Variants in NAV2 observed in about 807,000 individuals in gnomAD.
NAV2 encodes the protein helicase, APC down-regulated 1.
In NAV2, 54 loss-of-function variants were observed where a neutral mutation model predicts 223.2. That is an observed-to-expected ratio of 0.24 (90% CI 0.19 to 0.30). The LOEUF (loss-of-function observed/expected upper bound fraction) is 0.30. NAV2 is among the 10% of genes least tolerant of loss of function. The probability of loss-of-function intolerance (pLI) is 1.00; values close to 1 mark genes in which losing one functional copy is unlikely to be tolerated. For synonymous variants in NAV2, 1,279 were observed against 1,239.3 expected (o/e 1.03, Z -0.67); for missense variants, 2,806 against 3,147.5 (o/e 0.89, Z 2.60).
chr11:19,510,080 C>T (rs187486677), intron 1 of NAV2, among the ~76,000 whole-genome samples: 1 of 152,050 alleles, frequency 6.6e-6, no homozygotes, highest in Non-Finnish European at 1.5e-5. Context: ...TGGAGAAATA[C>T]CAGAAGAACC....
intron 1 of NAV2, among the ~76,000 whole-genome samples, chr11:19,607,184 G>A (rs2046500055): frequency 6.6e-6 from 1 of 152,228 alleles, no homozygotes. Flanking sequence ...ATCCTTTCCA[G>A]TTGGATCTTC....
At chr11:19,801,586 G>A (rs1198047230) in intron 1 of NAV2, among the ~76,000 whole-genome samples, 1 of 152,182 alleles carries the variant, frequency 6.6e-6, no homozygotes, top group Non-Finnish European at 1.5e-5. Flanking sequence ...CAGGCACATG[G>A]ACCTCCTAGC....
chr11:19,643,052 G>A (rs1480242297), intron 1 of NAV2, among the ~76,000 whole-genome samples: 2 of 152,158 alleles, frequency 1.3e-5, no homozygotes, highest in Non-Finnish European at 2.9e-5. Flanking sequence ...GCTGCCATCT[G>A]GTGTGGGGTT....
At chr11:19,915,554 C>T (rs2043733188) in intron 6 of NAV2, among the ~76,000 whole-genome samples, 1 of 152,228 alleles carries the variant, frequency 6.6e-6, no homozygotes, top group Admixed American at 6.5e-5. Flanking sequence ...TGCAGCTCTC[C>T]ATTTGAAATG....
At chr11:19,622,842 G>A (rs995761324) in intron 1 of NAV2, among the ~76,000 whole-genome samples, 1 of 152,158 alleles carries the variant, frequency 6.6e-6, no homozygotes, top group African/African-American at 2.4e-5. Context: ...GTTAGTTGAT[G>A]CAGTTTCTTC....
chr11:19,959,384 G>C lies in NAV2; in HGVS notation c.2645+10304G>C, dbSNP rs536945660. On this transcript the variant is annotated intron_variant, in intron 10 of 37. Transcript: ENST00000349880. Reference sequence around the variant, plus strand: ...ATGGTGGTGAATGTTAACATGAAGAGGCAAAATGTGGGGGCTCCAAAGTGG... The same window carrying C: ...ATGGTGGTGAATGTTAACATGAAGACGCAAAATGTGGGGGCTCCAAAGTGG... Among the ~76,000 whole-genome samples the C allele has an allele frequency of 2.6e-5, 4 of 152,266 alleles. No individual in the cohort carries two copies. The South Asian group carries it at 8.3e-4, about 32-fold the overall frequency.
chr11:19,943,162 G>A (rs1251704481), intron 8 of NAV2, among the ~76,000 whole-genome samples: 2 of 151,978 alleles, frequency 1.3e-5, no homozygotes, highest in East Asian at 3.9e-4. Context: ...TTTTCTAAAG[G>A]GCCTAGAGCT....
At chr11:19,605,222 A>C (rs534800429) in intron 1 of NAV2, among the ~76,000 whole-genome samples, 2 of 152,144 alleles carry the variant, frequency 1.3e-5, no homozygotes, top group African/African-American at 2.4e-5. Flanking sequence ...TACTTAGGAA[A>C]GAAAAAATAC....
chr11:19,507,884 C>A (rs2043170539), intron 1 of NAV2, among the ~76,000 whole-genome samples: 1 of 152,114 alleles, frequency 6.6e-6, no homozygotes, highest in African/African-American at 2.4e-5. Flanking sequence ...TGCCTGAGGT[C>A]ACACAGCTAG....
intron 11 of NAV2, among the ~76,000 whole-genome samples, chr11:20,010,064 A>T (rs1416085257): frequency 1.3e-5 from 2 of 152,114 alleles, no homozygotes; most frequent in East Asian, 3.8e-4. Context: ...TCATTACCCA[A>T]GCCACATGAG....
At chr11:19,978,578 G>A (rs1165695804) in intron 10 of NAV2, 1 of 151,036 alleles carries the variant, frequency 6.6e-6, no homozygotes. Context: ...AGGCTGACGT[G>A]TCTTCGAAGA....
At chr11:20,005,651 C>T (rs762086504) in intron 11 of NAV2, among the ~76,000 whole-genome samples, 10 of 151,808 alleles carry the variant, frequency 6.6e-5, no homozygotes, top group Non-Finnish European at 1.2e-4. Flanking sequence ...AGGGAATCAA[C>T]ATTTCTGTGC....
At chr11:19,371,975 T>A (rs1564884685) in intron 1 of NAV2, among the ~76,000 whole-genome samples, 1 of 151,978 alleles carries the variant, frequency 6.6e-6, no homozygotes, top group Non-Finnish European at 1.5e-5. Flanking sequence ...GACAGGGTTT[T>A]ACCATGTTGG....
intron 19 of NAV2, among the ~76,000 whole-genome samples, chr11:20,061,111 G>T (rs912328402): frequency 1.3e-5 from 2 of 152,178 alleles, no homozygotes; most frequent in Non-Finnish European, 2.9e-5. Flanking sequence ...CAGGAAAGCT[G>T]TGCCCAGTTA....
intron 1 of NAV2, among the ~76,000 whole-genome samples, chr11:19,524,723 T>A (rs2043790846): frequency 2.0e-5 from 3 of 152,190 alleles, no homozygotes; most frequent in African/African-American, 7.2e-5. Context: ...TTTTAAGATA[T>A]TAATTTCACA....
At chr11:19,487,314 A>G (rs2042475470) in intron 1 of NAV2, among the ~76,000 whole-genome samples, 1 of 152,246 alleles carries the variant, frequency 6.6e-6, no homozygotes, top group Non-Finnish European at 1.5e-5. Flanking sequence ...GTAAAGTAAC[A>G]GCTTCTCAAA....
chr11:19,898,538 A>G (rs2042185329), intron 6 of NAV2, among the ~76,000 whole-genome samples: 1 of 152,188 alleles, frequency 6.6e-6, no homozygotes, highest in Non-Finnish European at 1.5e-5. Flanking sequence ...TTTCTTCCTA[A>G]TAGTCACATA....
intron 6 of NAV2, among the ~76,000 whole-genome samples, chr11:19,901,266 G>A (rs557273025): frequency 6.6e-6 from 1 of 152,348 alleles, no homozygotes; most frequent in South Asian, 2.1e-4. Flanking sequence ...AACACTGCCT[G>A]CCGGGCATGA....
chr11:19,919,920 G>A (rs761752634), intron 6 of NAV2, among the ~76,000 whole-genome samples: 6 of 152,128 alleles, frequency 3.9e-5, no homozygotes, highest in Non-Finnish European at 8.8e-5. Flanking sequence ...GATTACTCGA[G>A]CCCAGGGGTT....
Sources: allele counts gnomAD v4.1 joint callset (sites outside exome capture counted in the v4.1 genomes callset), GRCh38; gene constraint gnomAD v4.1.1; transcripts MANE v1.5; gene names NCBI Gene and HGNC (gene_info 2026-07-23, HGNC 2026-07-21).